SLC24A3: variants seen among roughly 807,000 people sequenced by gnomAD.
SLC24A3 encodes solute carrier family 24 member 3.
Under a neutral mutation model 75.8 loss-of-function variants are expected in SLC24A3, and 28 were observed. That is an observed-to-expected ratio of 0.37 (90% confidence interval 0.27 to 0.51). The LOEUF (loss-of-function observed/expected upper bound fraction) is 0.51. SLC24A3 is among the 20% of genes least tolerant of loss of function. SLC24A3 has a pLI of 0.94. For synonymous variants in SLC24A3, 372 were observed against 334.1 expected, an observed-to-expected ratio of 1.11 and a Z score of -1.24; for missense variants, 663 against 847.8, an observed-to-expected ratio of 0.78 and a Z score of 2.71.
rs574284253 is a variant in SLC24A3, at chr20:19,690,328, C to T, written c.1325-2931C>T. Among the ~76,000 whole-genome samples, 5 of 152,290 alleles carry T rather than the reference C, an allele frequency of 3.3e-5. No homozygotes were observed. The South Asian group carries it at 1.0e-3, about 32-fold the overall frequency. On this transcript the variant is annotated intron_variant, in intron 12 of 16. Coordinates refer to ENST00000328041, the MANE Select transcript of SLC24A3 (RefSeq NM_020689.4). Reference sequence around the variant, plus strand: ...AAATTTTTAAAGCAGTTGATAAAAACTCAAAATTCACTGGCACTAACTTAC... The same window carrying T: ...AAATTTTTAAAGCAGTTGATAAAAATTCAAAATTCACTGGCACTAACTTAC...
At chr20:19,573,683 A>G (rs1265981837) in intron 3 of SLC24A3, among the ~76,000 whole-genome samples, 1 of 152,240 alleles carries the variant, frequency 6.6e-6, no homozygotes, top group Non-Finnish European at 1.5e-5. Context: ...TCTCATAGTC[A>G]TAAATGGCTG....
rs996711465 is a variant in SLC24A3 at position 19,376,175 on chromosome 20, G to A, written c.271+95088G>A. ...AAGAGGAAAACAGAACTGTTTCATGGAATACATTGTGTACCCCAATTAATG... is the reference window on the plus strand; with the variant it reads ...AAGAGGAAAACAGAACTGTTTCATGAAATACATTGTGTACCCCAATTAATG... On this transcript the variant is annotated intron_variant, in intron 2 of 16. Transcript: ENST00000328041. 5.9e-5 allele frequency among the ~76,000 whole-genome samples: 9 copies of A among 152,146 alleles called. No individual in the cohort carries two copies. In the South Asian group the frequency reaches 6.2e-4, roughly 11 times the overall value.
chr20:19,678,555 C>T (rs1194420770), intron 9 of SLC24A3, among the ~76,000 whole-genome samples: 2 of 147,080 alleles, frequency 1.4e-5, no homozygotes, highest in African/African-American at 2.5e-5. Context: ...GCTGGCCGGG[C>T]AGAGGGGCTC....
chr20:19,677,517 C>A (rs1022114210), intron 9 of SLC24A3, among the ~76,000 whole-genome samples: 1 of 151,820 alleles, frequency 6.6e-6, no homozygotes, highest in Non-Finnish European at 1.5e-5. Context: ...TCGTCACCAC[C>A]CCCAGCAACC....
At chr20:19,486,411 A>G (rs1194032731) in intron 2 of SLC24A3, among the ~76,000 whole-genome samples, 1 of 152,216 alleles carries the variant, frequency 6.6e-6, no homozygotes, top group African/African-American at 2.4e-5. Flanking sequence ...AGAACAGTAC[A>G]CCAAAAGTGG....
Position 19,238,066 on chromosome 20 carries a change from A to G in SLC24A3, c.142+25082A>G, listed in dbSNP as rs189748860. On this transcript the variant is annotated intron_variant, in intron 1 of 16. Transcript: ENST00000328041. ...ATATGTACAGAAAAGGGTATCTATCATAAGTGTATATAGCTTGATGAATTT... is the reference window on the plus strand; with the variant it reads ...ATATGTACAGAAAAGGGTATCTATCGTAAGTGTATATAGCTTGATGAATTT... 8.5e-5 allele frequency among the ~76,000 whole-genome samples: 13 copies of G among 152,314 alleles called. No individual in the cohort carries two copies. The East Asian group carries it at 2.5e-3, about 29-fold the overall frequency.
At chr20:19,503,051 A>G (rs1988410998) in intron 2 of SLC24A3, among the ~76,000 whole-genome samples, 2 of 150,332 alleles carry the variant, frequency 1.3e-5, no homozygotes, top group South Asian at 4.2e-4. Flanking sequence ...AAAAAATACT[A>G]GATACACATC....
chr20:19,437,267 G>A (rs141852062), intron 2 of SLC24A3, among the ~76,000 whole-genome samples: 1,945 of 152,172 alleles, frequency 0.013, 48 homozygotes, highest in East Asian at 0.1. Flanking sequence ...ATTGAATCAT[G>A]GGGGCAGTTT....
chr20:19,252,648 G>C lies in SLC24A3; in HGVS notation c.143-28311G>C, dbSNP rs1022365475. Among the ~76,000 whole-genome samples, 3 of 149,202 alleles carry C rather than the reference G, an allele frequency of 2.0e-5. 1 individual carries two copies. Among genetic ancestry groups the C allele is most frequent in the South Asian group, 4.3e-4 (2 of 4,650 alleles). On this transcript the variant is annotated intron_variant, in intron 1 of 16. Coordinates refer to ENST00000328041, the MANE Select transcript of SLC24A3 (RefSeq NM_020689.4). Reference sequence around the variant, plus strand: ...AAAGCCTGAAATTGGAATGGCGGGGGGGGGTGCCTGTTCCAGAAACTCCTT... The same window carrying C: ...AAAGCCTGAAATTGGAATGGCGGGGCGGGGTGCCTGTTCCAGAAACTCCTT...
At chr20:19,218,977 A>T (rs1003917736) in intron 1 of SLC24A3, among the ~76,000 whole-genome samples, 5 of 149,112 alleles carry the variant, frequency 3.4e-5, no homozygotes, top group South Asian at 2.1e-4. Context: ...GGTAATTTGG[A>T]TTTTTTTTTT....
At chr20:19,497,127 C>T (rs559271393) in intron 2 of SLC24A3, among the ~76,000 whole-genome samples, 1 of 152,296 alleles carries the variant, frequency 6.6e-6, no homozygotes, top group East Asian at 1.9e-4. Context: ...AGAAAGAGTC[C>T]CTACAAAAGG....
At chr20:19,468,701 G>A (rs1157314455) in intron 2 of SLC24A3, among the ~76,000 whole-genome samples, 3 of 152,208 alleles carry the variant, frequency 2.0e-5, no homozygotes, top group Non-Finnish European at 4.4e-5. Context: ...TTAGGCTGAG[G>A]TCAGCTAGCT....
chr20:19,603,326 G>A (rs548570899), intron 6 of SLC24A3, among the ~76,000 whole-genome samples: 1 of 152,222 alleles, frequency 6.6e-6, no homozygotes, highest in South Asian at 2.1e-4. Flanking sequence ...AGGGGGTGAT[G>A]GCATATGCTG....
intron 1 of SLC24A3, among the ~76,000 whole-genome samples, chr20:19,220,430 C>T (rs1232313294): frequency 1.3e-5 from 2 of 152,158 alleles, no homozygotes. Context: ...GGAATTGAAC[C>T]CACAGAGGAC....
At chr20:19,356,182 G>T (rs571320851) in intron 2 of SLC24A3, among the ~76,000 whole-genome samples, 2 of 152,122 alleles carry the variant, frequency 1.3e-5, no homozygotes, top group Non-Finnish European at 2.9e-5. Context: ...AAACATATAG[G>T]GAGTAACATA....
intron 3 of SLC24A3, among the ~76,000 whole-genome samples, chr20:19,538,384 T>C (rs1006328789): frequency 2.0e-5 from 3 of 152,222 alleles, no homozygotes; most frequent in African/African-American, 7.2e-5. Flanking sequence ...AAAGGATGTG[T>C]ATCCAGAGTA....
At chr20:19,543,909 C>T (rs914575902) in intron 3 of SLC24A3, among the ~76,000 whole-genome samples, 2 of 152,172 alleles carry the variant, frequency 1.3e-5, no homozygotes, top group African/African-American at 4.8e-5. Flanking sequence ...GAAATGAGTG[C>T]TGCCTCCTTT....
intron 3 of SLC24A3, among the ~76,000 whole-genome samples, chr20:19,520,561 C>T (rs1568642827): frequency 1.3e-5 from 2 of 152,158 alleles, no homozygotes; most frequent in East Asian, 1.9e-4. Flanking sequence ...CAGGTCATTC[C>T]GGAAGTCCAA....
intron 6 of SLC24A3, among the ~76,000 whole-genome samples, chr20:19,586,550 T>A (rs2031299565): frequency 6.6e-6 from 1 of 152,098 alleles, no homozygotes; most frequent in South Asian, 2.1e-4. Flanking sequence ...GCCAGGGCCC[T>A]CACCCCACAG....
Sources: allele counts gnomAD v4.1 joint callset (sites outside exome capture counted in the v4.1 genomes callset), GRCh38; gene constraint gnomAD v4.1.1; transcripts MANE v1.5; gene names NCBI Gene and HGNC (gene_info 2026-07-23, HGNC 2026-07-21).